The following CROCC variants were observed in gnomAD, a reference collection of about 807,000 sequenced individuals.
The protein encoded by CROCC is ciliary rootlet coiled-coil, rootletin, also known as rootletin.
Under a neutral mutation model 245.2 loss-of-function variants are expected in CROCC, and 180 were observed. The ratio of observed to expected loss-of-function variants is 0.73; its 90% CI spans 0.65 to 0.83. The LOEUF is 0.83. Ranked by LOEUF, CROCC falls within the 40% of genes least tolerant of loss-of-function variation. The pLI is 0.00. For missense variants in CROCC, 2,688 were observed against 2,779.4 expected (o/e 0.97, Z 0.74); for synonymous variants, 1,205 against 1,241.6 (o/e 0.97, Z 0.62).
In CROCC at chr1:16,970,424, C is replaced by T. The variant is rs182106939; in HGVS notation, c.5623C>T (p.Arg1875Cys). The T allele has an allele frequency of 2.3e-5, 37 of 1,599,990 alleles. No homozygotes were observed. The highest frequency in any genetic ancestry group is 3.4e-5 in the South Asian group (3 of 89,462). The change falls in exon 34 of 37, where the codon CGT becomes TGT. Residue 1875 changes from arginine (R) to cysteine (C), a missense_variant. This residue lies in a region of CROCC where 1,218 missense variants were observed against 1,286.3 expected (regional missense o/e 0.95). Transcript: ENST00000375541. ...ERSALRLEKD[R>C]VALRRTLDKV... ...CTCAGCCCTGCGGCTGGAGAAGGAC[C>T]GTGTAGCCCTCAGGAGGACGCTGGA...
intron 7 of CROCC, 104 bp from the exon 8 acceptor site, chr1:16,931,187 C>T (rs552019981): frequency 8.1e-4 from 816 of 1,010,564 alleles, no homozygotes; most frequent in Non-Finnish European, 1.1e-3. Context: ...AGACCCAATC[C>T]CTGAACGACG....
intron 27 of CROCC, among the ~76,000 whole-genome samples, chr1:16,964,064 G>C (rs770919431): frequency 6.6e-6 from 1 of 151,826 alleles, no homozygotes; most frequent in African/African-American, 2.4e-5. Context: ...TCCCACCAGA[G>C]TGCTGGGATT....
chr1:16,959,005 G>A (rs1393874469), intron 26 of CROCC, among the ~76,000 whole-genome samples: 1 of 152,164 alleles, frequency 6.6e-6, no homozygotes, highest in Non-Finnish European at 1.5e-5. Flanking sequence ...CTATGGGGTA[G>A]GTACTGTTAG....
At position 16,972,507 on chromosome 1, in the gene CROCC, G is replaced by A. The variant is rs1030015162; in HGVS notation, c.*61G>A. The A allele has an allele frequency of 4.3e-6, 5 of 1,176,116 alleles. No homozygotes were observed. In the African/African-American group the frequency reaches 5.2e-5, roughly 12 times the overall value. 72.9% of individuals were successfully genotyped at this position (1,176,116 alleles called of 1,614,324 possible). On this transcript the variant is annotated 3_prime_UTR_variant, in exon 37 of 37. Coordinates refer to ENST00000375541, the MANE Select transcript of CROCC (RefSeq NM_014675.5). ...GGGACAGGGGAGGACCCTTCTTTTG[G>A]ACAGCCCCCCCACCCAGAGCCCGGT...
rs2076111142 is a variant in CROCC at position 16,948,879 on chromosome 1, T to C, written c.2789T>C (p.Leu930Pro). The C allele has an allele frequency of 6.2e-7, 1 of 1,611,490 alleles. No homozygotes were observed. ...LAQLEARREQ[L>P]EAEGQALLLA... ...CAGCTTGAGGCCCGCCGGGAGCAGC[T>C]GGAAGCCGAGGGGCAGGCCCTGCTG... The change falls in exon 19 of 37, where the codon CTG becomes CCG. Residue 930 changes from leucine to proline, a missense_variant. Physicochemically the swap from Leu to Pro is moderately conservative, Grantham distance 98. Around this residue, in one of 9 missense-constraint regions of CROCC, gnomAD observed 20 missense variants for 55.4 expected, o/e 0.36. Transcript: ENST00000375541.
In CROCC at chr1:16,955,384, G is replaced by C; in HGVS notation, c.3538G>C (p.Ala1180Pro). Residue 1180 changes from alanine to proline, a missense_variant, in exon 24 of 37, where the codon GCC becomes CCC. Physicochemically the swap from Ala to Pro is conservative, Grantham distance 27. Transcript: ENST00000375541. ...RDGLRRELLEAQRKLRESQEG... is the reference protein window; with the variant it reads ...RDGLRRELLEPQRKLRESQEG... Reference sequence around the variant, plus strand: ...CGGGCTGCGGCGGGAGCTGCTGGAGGCCCAGCGCAAGCTGCGTGAGAGCCA... The same window carrying C: ...CGGGCTGCGGCGGGAGCTGCTGGAGCCCCAGCGCAAGCTGCGTGAGAGCCA... 1 of 1,605,928 alleles carries C rather than the reference G, an allele frequency of 6.2e-7. No individual in the cohort carries two copies. Among genetic ancestry groups the C allele is most frequent in the East Asian group, 2.2e-5 (1 of 44,818 alleles).
rs151069381 is a variant in CROCC at position 16,954,745 on chromosome 1, C to T, written c.3333C>T (p.Asn1111=). The change falls in exon 23 of 37, where the codon AAC becomes AAT. Residue 1111 remains asparagine (N), a synonymous_variant. Transcript: ENST00000375541. The surrounding 1 kb of genome is among the most constrained non-coding windows in gnomAD (Gnocchi z 4.4). ...CCCCTCTGTCCCAGAGCACCGTGAA[C>T]GCTCTGACGTCTGAGCTGCGGGACC... ...SRQEQDRSTV[N]ALTSELRDLR... 197 of 1,555,846 alleles carry T rather than the reference C, an allele frequency of 1.3e-4. No homozygotes were observed. The highest frequency in any genetic ancestry group is 8.3e-4 in the South Asian group (70 of 84,416).
At chr1:16,915,187 C>T (rs1453134734) in intron 1 of CROCC, among the ~76,000 whole-genome samples, 5 of 152,268 alleles carry the variant, frequency 3.3e-5, no homozygotes, top group East Asian at 1.9e-4. Flanking sequence ...GATATGTGTT[C>T]GCTGGTGTCC....
intron 34 of CROCC, 77 bp downstream of exon 34, chr1:16,970,530 T>G: frequency 6.8e-7 from 1 of 1,475,640 alleles, no homozygotes; most frequent in Admixed American, 2.4e-5. Flanking sequence ...ATCCCCAGGG[T>G]CTGCTACCTC....
intron 12 of CROCC, 58 bp from the exon 13 acceptor site, chr1:16,939,836 T>G: frequency 6.5e-7 from 1 of 1,545,260 alleles, no homozygotes; most frequent in Non-Finnish European, 8.9e-7. Context: ...CAGAAGAGAG[T>G]AGGTGGCTCT....
At chr1:16,946,682 TGGTG>T in intron 16 of CROCC, 75 bp from the exon 17 acceptor site, 1 of 1,415,742 alleles carries the variant, frequency 7.1e-7, no homozygotes, top group Non-Finnish European at 9.7e-7. Flanking sequence ...CTATTGTTGC[TGGTG>T]GGTGGGTGGA....
intron 27 of CROCC, among the ~76,000 whole-genome samples, chr1:16,964,326 T>C (rs2076384727): frequency 6.6e-6 from 1 of 151,548 alleles, no homozygotes; most frequent in Non-Finnish European, 1.5e-5. Flanking sequence ...TTCTCTTTTC[T>C]TTTCTTTTCT....
Position 16,921,958 on chromosome 1 carries a change from A to G in CROCC, c.-61A>G. On this transcript the variant is annotated 5_prime_UTR_variant, in exon 1 of 37. Transcript: ENST00000375541. ...AGCATCCTGGCTGTGGCGCGTGCTGACTGAGCTAGTCTTGGGGTCCTGGAG... is the reference window on the plus strand; with the variant it reads ...AGCATCCTGGCTGTGGCGCGTGCTGGCTGAGCTAGTCTTGGGGTCCTGGAG... The G allele has an allele frequency of 6.8e-7, 1 of 1,473,426 alleles. No homozygotes were observed. The highest frequency in any genetic ancestry group is 9.3e-7 in the Non-Finnish European group (1 of 1,076,106). The allele number at this position is 1,473,426 out of a possible 1,614,324, so 91.3% of individuals were successfully genotyped here.
At chr1:16,946,447 T>C in intron 16 of CROCC, 42 bp downstream of exon 16, 1 of 1,595,250 alleles carries the variant, frequency 6.3e-7, no homozygotes, top group Non-Finnish European at 8.5e-7. Flanking sequence ...TGCCCACCCA[T>C]CCTCCCCACT....
intron 25 of CROCC, among the ~76,000 whole-genome samples, chr1:16,957,996 C>T (rs1245808338): frequency 8.9e-6 from 1 of 112,614 alleles, no homozygotes; most frequent in Admixed American, 9.2e-5. Context: ...TAGGCAGTAC[C>T]CCTCCCTGCT....
intron 25 of CROCC, among the ~76,000 whole-genome samples, chr1:16,956,677 G>A (rs2076254567): frequency 6.6e-6 from 1 of 151,074 alleles, no homozygotes; most frequent in Non-Finnish European, 1.5e-5. Flanking sequence ...CATGTGTCAA[G>A]AAATGTTGTT....
Position 16,951,083 on chromosome 1 carries a change from A to G in CROCC, c.2967A>G (p.Ala989=), listed in dbSNP as rs762544502. 4.3e-5 allele frequency: 68 copies of G among 1,595,206 alleles called. No individual in the cohort carries two copies. Among genetic ancestry groups the G allele is most frequent in the East Asian group, 6.8e-5 (3 of 44,088 alleles). ...AGGCCTCTCTGCGGGAGCAGCGGGC[A>G]GCTCACGAGGAGGACTTACAGCGAC... is the stretch of plus-strand genomic sequence containing the variant. The part of the protein sequence containing the change: ...EAQASLREQR[A]AHEEDLQRLQ... The change falls in exon 20 of 37, where the codon GCA becomes GCG. Residue 989 remains alanine, a synonymous_variant. Transcript: ENST00000375541.
At chr1:16,970,805 C>A in intron 35 of CROCC, 38 bp downstream of exon 35, 2 of 1,520,740 alleles carry the variant, frequency 1.3e-6, no homozygotes, top group Non-Finnish European at 8.8e-7. Flanking sequence ...AACTTCATCC[C>A]TAGTATGAGT....
chr1:16,948,323 G>T lies in CROCC; in HGVS notation c.2515-8G>T. 6.4e-7 allele frequency: 1 copy of T among 1,555,918 alleles called. No individual in the cohort carries two copies. The highest frequency in any genetic ancestry group is 2.3e-5 in the East Asian group (1 of 44,028). ...GGGAGTGCTACTCAGTCTCTGGGTG[G>T]GGGCCAGCTCTCCCGGCAGCTGAGC... On this transcript the variant is annotated splice_polypyrimidine_tract_variant and splice_region_variant and intron_variant, in intron 17 of 36. Transcript: ENST00000375541.
Sources: gnomAD v4.1 joint callset for allele counts (sites outside exome capture counted in the v4.1 genomes callset) on GRCh38, gnomAD v4.1.1 for gene constraint, gnomAD v4.1.1 regional missense constraint, Gnocchi (gnomAD v3.1) non-coding constraint, MANE v1.5 for transcripts, NCBI Gene and HGNC (gene_info 2026-07-23, HGNC 2026-07-21) for gene names.